The following PHF24 variants were observed in gnomAD, a reference collection of about 807,000 sequenced individuals.
PHF24 encodes Galpha inhibitory interacting protein.
Under a neutral mutation model 42.6 loss-of-function variants are expected in PHF24, and 25 were observed. That is an observed-to-expected ratio of 0.59 (90% confidence interval 0.43 to 0.82). The LOEUF is 0.82. Among genes scored for constraint, PHF24 ranks in the 40% least tolerant of loss-of-function variants. The probability of loss-of-function intolerance (pLI) is 0.00; values close to 1 mark genes in which losing one functional copy is unlikely to be tolerated. For synonymous variants in PHF24, 185 were observed against 204.8 expected, an observed-to-expected ratio of 0.90 and a Z score of 0.83; for missense variants, 470 against 538.1, an observed-to-expected ratio of 0.87 and a Z score of 1.25.
At chr9:34,882,653 T>C in the PHF24 span, among the ~76,000 whole-genome samples, 2 of 151,982 alleles carry the variant, frequency 1.3e-5, no homozygotes, top group African/African-American at 4.8e-5. Flanking sequence ...ATCTAACTTA[T>C]AAGAGATGTG....
At chr9:34,893,517 C>G in the PHF24 span, among the ~76,000 whole-genome samples, 6 of 151,874 alleles carry the variant, frequency 4.0e-5, no homozygotes, top group Non-Finnish European at 8.8e-5. Context: ...AGGAGAGTCC[C>G]TTGAACCTGG....
chr9:34,897,155 CA>C, the PHF24 span, among the ~76,000 whole-genome samples: 1 of 152,108 alleles, frequency 6.6e-6, no homozygotes, highest in Non-Finnish European at 1.5e-5. Flanking sequence ...GACTCTGCCT[CA>C]AAAACAAACA....
the PHF24 span, among the ~76,000 whole-genome samples, chr9:34,901,201 C>A: frequency 6.6e-6 from 1 of 152,148 alleles, no homozygotes. Context: ...TACATAAATT[C>A]TTTCAAAAAT....
chr9:34,772,994 T>G, the PHF24 span, among the ~76,000 whole-genome samples: 1 of 151,574 alleles, frequency 6.6e-6, no homozygotes. Context: ...GAGTTCTGTT[T>G]TTTTTTTTTT....
At chr9:34,724,166 C>T in the PHF24 span, 1 of 1,551,070 alleles carries the variant, frequency 6.4e-7, no homozygotes, top group Non-Finnish European at 8.7e-7. Context: ...CTCAGGGCCA[C>T]AGGGTTCCTC....
chr9:34,957,470 T>C (rs1006664329), upstream of PHF24: 5 of 152,246 alleles, frequency 3.3e-5, no homozygotes, highest in Non-Finnish European at 2.9e-5. Flanking sequence ...TTTGGTGTAA[T>C]GCACATTATA....
the PHF24 span, among the ~76,000 whole-genome samples, chr9:34,942,350 G>A: frequency 6.6e-6 from 1 of 152,018 alleles, no homozygotes; most frequent in East Asian, 1.9e-4. Context: ...GATACATGAG[G>A]TGCAATTCAT....
At chr9:34,922,326 G>C in the PHF24 span, 1 of 1,587,142 alleles carries the variant, frequency 6.3e-7, no homozygotes, top group Non-Finnish European at 8.6e-7. Flanking sequence ...TTCAGCAATG[G>C]CTTCATCAAA....
chr9:34,789,237 G>T, the PHF24 span, among the ~76,000 whole-genome samples: 1 of 152,146 alleles, frequency 6.6e-6, no homozygotes, highest in East Asian at 1.9e-4. Context: ...CAGAACTCTC[G>T]GGGCTGCTGC....
chr9:34,750,787 A>G, the PHF24 span, among the ~76,000 whole-genome samples: 27 of 152,102 alleles, frequency 1.8e-4, no homozygotes, highest in African/African-American at 5.3e-4. Flanking sequence ...AGAAGGGAAA[A>G]AAGGAAGACA....
the PHF24 span, among the ~76,000 whole-genome samples, chr9:34,693,659 G>A: frequency 1.3e-5 from 2 of 152,042 alleles, no homozygotes; most frequent in African/African-American, 4.8e-5. Flanking sequence ...GGAGTCTCAG[G>A]AGGAGAATAG....
At chr9:34,889,228 G>A in the PHF24 span, 2 of 398,564 alleles carry the variant, frequency 5.0e-6, no homozygotes, top group Non-Finnish European at 8.8e-6. Context: ...GCCTTCTGCT[G>A]AGGTGAGTTA....
chr9:34,767,157 G>A, the PHF24 span, among the ~76,000 whole-genome samples: 1 of 152,206 alleles, frequency 6.6e-6, no homozygotes. Context: ...CAGGGGTCAG[G>A]GACCCACTTG....
At chr9:34,780,938 C>T in the PHF24 span, among the ~76,000 whole-genome samples, 9 of 152,266 alleles carry the variant, frequency 5.9e-5, no homozygotes, top group African/African-American at 1.9e-4. Context: ...ATACCACTAT[C>T]ACATATACTA....
At chr9:34,830,582 G>A in the PHF24 span, among the ~76,000 whole-genome samples, 1 of 152,130 alleles carries the variant, frequency 6.6e-6, no homozygotes, top group Non-Finnish European at 1.5e-5. Flanking sequence ...TTATTAAGAG[G>A]CTTGATGTGT....
At chr9:34,787,145 G>A in the PHF24 span, among the ~76,000 whole-genome samples, 1 of 152,018 alleles carries the variant, frequency 6.6e-6, no homozygotes, top group African/African-American at 2.4e-5. Context: ...ATTTACACCC[G>A]GTATTTATGA....
At chr9:34,868,944 T>C in the PHF24 span, among the ~76,000 whole-genome samples, 3 of 152,296 alleles carry the variant, frequency 2.0e-5, no homozygotes, top group South Asian at 6.2e-4. Flanking sequence ...TGTGTGTTGT[T>C]CCCCACCATG....
At chr9:34,688,218 T>C in the PHF24 span, among the ~76,000 whole-genome samples, 20 of 152,286 alleles carry the variant, frequency 1.3e-4, no homozygotes, top group South Asian at 4.1e-3. Context: ...CCCGATATAA[T>C]GACACCTCTC....
chr9:34,900,724 G>C, the PHF24 span, among the ~76,000 whole-genome samples: 1 of 152,190 alleles, frequency 6.6e-6, no homozygotes, highest in Non-Finnish European at 1.5e-5. Flanking sequence ...CAATGTAACA[G>C]TTTTGGGAGG....
Sources: gnomAD v4.1 joint callset for allele counts (sites outside exome capture counted in the v4.1 genomes callset) on GRCh38, gnomAD v4.1.1 for gene constraint, MANE v1.5 for transcripts, NCBI Gene and HGNC (gene_info 2026-07-23, HGNC 2026-07-21) for gene names.